Variants in SLC25A31 observed in about 807,000 individuals in gnomAD.
SLC25A31 encodes ADP/ATP translocase 4.
Under a neutral mutation model 36.2 loss-of-function variants are expected in SLC25A31, and 40 were observed. The ratio of observed to expected loss-of-function variants is 1.10; its 90% CI spans 0.86 to 1.44. The LOEUF (loss-of-function observed/expected upper bound fraction) is 1.44. Ranked by LOEUF, SLC25A31 falls within the 40% of genes most tolerant of loss-of-function variation. SLC25A31 has a pLI of 0.00. For missense variants in SLC25A31, 350 were observed against 397.1 expected (o/e 0.88, Z 1.01); for synonymous variants, 143 against 149.7 (o/e 0.96, Z 0.32).
chr4:127,750,392 C>T (rs1731907210), intron 2 of SLC25A31, among the ~76,000 whole-genome samples: 1 of 152,090 alleles, frequency 6.6e-6, no homozygotes, highest in African/African-American at 2.4e-5. Context: ...CATTGGAAGT[C>T]CAAATACTCC....
intron 1 of SLC25A31, among the ~76,000 whole-genome samples, chr4:127,734,502 G>A (rs138481235): frequency 7.2e-6 from 1 of 138,666 alleles, no homozygotes; most frequent in Non-Finnish European, 1.5e-5. Context: ...ACAGGCTTCA[G>A]TGAGCCAAGA....
chr4:127,765,565 G>A (rs928420172), intron 3 of SLC25A31, among the ~76,000 whole-genome samples: 1 of 152,134 alleles, frequency 6.6e-6, no homozygotes, highest in African/African-American at 2.4e-5. Flanking sequence ...TACAGGGCGT[G>A]TGTGAGTGTG....
intron 1 of SLC25A31, among the ~76,000 whole-genome samples, chr4:127,734,795 TTAAG>T (rs1437229932): frequency 1.3e-5 from 2 of 152,024 alleles, no homozygotes; most frequent in African/African-American, 4.8e-5. Context: ...TATATGTACT[TTAAG>T]TAAAATACAA....
At chr4:127,754,044 AC>A (rs1731985218) in intron 2 of SLC25A31, among the ~76,000 whole-genome samples, 1 of 152,176 alleles carries the variant, frequency 6.6e-6, no homozygotes. Flanking sequence ...AACTGTATTA[AC>A]AAAAACCATA....
At chr4:127,767,619 A>G (rs1400995705) in intron 4 of SLC25A31, among the ~76,000 whole-genome samples, 1 of 152,198 alleles carries the variant, frequency 6.6e-6, no homozygotes, top group Non-Finnish European at 1.5e-5. Flanking sequence ...AGAAGGAGAC[A>G]AAGCAAAATT....
chr4:127,738,146 G>A (rs1386760592), intron 1 of SLC25A31, among the ~76,000 whole-genome samples: 1 of 152,124 alleles, frequency 6.6e-6, no homozygotes, highest in African/African-American at 2.4e-5. Flanking sequence ...ACAGCTCACT[G>A]CAGCCTTGGC....
intron 1 of SLC25A31, among the ~76,000 whole-genome samples, chr4:127,731,851 A>C (rs886985922): frequency 6.6e-6 from 1 of 152,186 alleles, no homozygotes; most frequent in Non-Finnish European, 1.5e-5. Flanking sequence ...TTTAAAAATC[A>C]AGTCATGCAA....
Position 127,773,501 on chromosome 4 carries a change from CA to C in SLC25A31, c.876del (p.Gly294ValfsTer34). The part of the protein sequence containing the change: ...RGAFSNVLRG[T>X]GGALVLVLYD... The stretch of plus-strand genomic sequence containing the variant: ...GCCTTCTCCAATGTTCTTCGCGGTA[CA>C]GGGGGTGCTTTGGTGTTGGTATTAT... On this transcript the variant is annotated frameshift_variant, in exon 6 of 6. Transcript: ENST00000281154. LOFTEE classifies it high-confidence loss of function. The C allele has an allele frequency of 6.2e-7, 1 of 1,613,652 alleles. No homozygotes were observed. The highest frequency in any genetic ancestry group is 8.5e-7 in the Non-Finnish European group (1 of 1,179,866).
intron 1 of SLC25A31, among the ~76,000 whole-genome samples, chr4:127,742,263 C>T (rs954260000): frequency 2.6e-5 from 4 of 152,144 alleles, no homozygotes; most frequent in African/African-American, 7.2e-5. Context: ...TTGAGAAACT[C>T]GTATTTGTCA....
At chr4:127,753,281 AAAG>A (rs1731970398) in intron 2 of SLC25A31, among the ~76,000 whole-genome samples, 1 of 152,090 alleles carries the variant, frequency 6.6e-6, no homozygotes, top group South Asian at 2.1e-4. Flanking sequence ...AGAACTAGAA[AAAG>A]AAGGATAAAC....
chr4:127,770,552 G>A (rs887101667), intron 5 of SLC25A31, among the ~76,000 whole-genome samples: 14 of 151,912 alleles, frequency 9.2e-5, no homozygotes, highest in Admixed American at 2.6e-4. Flanking sequence ...CATGAACCAC[G>A]AGGCAGAGCT....
intron 2 of SLC25A31, among the ~76,000 whole-genome samples, chr4:127,755,549 A>G (rs1732013692): frequency 6.6e-6 from 1 of 152,222 alleles, no homozygotes; most frequent in Non-Finnish European, 1.5e-5. Context: ...AATGCTGAAC[A>G]TTACTAGCCA....
At chr4:127,740,425 G>T (rs553849503) in intron 1 of SLC25A31, among the ~76,000 whole-genome samples, 2 of 152,230 alleles carry the variant, frequency 1.3e-5, no homozygotes, top group East Asian at 1.9e-4. Flanking sequence ...ATGTCAGCAG[G>T]TTTTATATTG....
chr4:127,768,736 C>T lies in SLC25A31; in HGVS notation c.634-16C>T. On this transcript the variant is annotated splice_polypyrimidine_tract_variant and intron_variant, in intron 4 of 5. Transcript: ENST00000281154. ...TAGAAATTTGGATAGTTACTTGGCACATTTTTCTTTTCTAGGGTTTATTAC... is the reference window on the plus strand; with the variant it reads ...TAGAAATTTGGATAGTTACTTGGCATATTTTTCTTTTCTAGGGTTTATTAC... 6.4e-7 allele frequency: 1 copy of T among 1,566,008 alleles called. No homozygotes were observed. The highest frequency in any genetic ancestry group is 2.3e-5 in the East Asian group (1 of 43,852).
chr4:127,772,209 TTTTC>T (rs1227002036), intron 5 of SLC25A31, among the ~76,000 whole-genome samples: 1 of 152,236 alleles, frequency 6.6e-6, no homozygotes, highest in Non-Finnish European at 1.5e-5. Context: ...GGACATGTGG[TTTTC>T]TTTATGAGAA....
At chr4:127,752,411 G>A (rs1384940151) in intron 2 of SLC25A31, among the ~76,000 whole-genome samples, 1 of 151,814 alleles carries the variant, frequency 6.6e-6, no homozygotes, top group Non-Finnish European at 1.5e-5. Context: ...ACACACCGGG[G>A]CCTGTTGTGG....
At chr4:127,746,491 A>T (rs1578659983) in intron 2 of SLC25A31, among the ~76,000 whole-genome samples, 1 of 152,008 alleles carries the variant, frequency 6.6e-6, no homozygotes, top group Non-Finnish European at 1.5e-5. Flanking sequence ...TGACCATGAG[A>T]CAGTATCACA....
At chr4:127,745,673 A>C (rs897269995) in intron 2 of SLC25A31, among the ~76,000 whole-genome samples, 2 of 151,920 alleles carry the variant, frequency 1.3e-5, no homozygotes, top group Non-Finnish European at 2.9e-5. Context: ...TTGTTCATTG[A>C]ATGTTTTGCC....
rs1438219002 is a variant in SLC25A31, at chr4:127,744,701, G to A, written c.262G>A (p.Ala88Thr). 6.9e-6 allele frequency: 11 copies of A among 1,601,204 alleles called. No homozygotes were observed. The highest frequency in any genetic ancestry group is 1.1e-5 in the South Asian group (1 of 88,104). Residue 88 changes from alanine (A) to threonine (T), a missense_variant, in exon 2 of 6, where the codon GCA (alanine) becomes ACA (threonine). Transcript: ENST00000281154. ...CTTCAGTTTTTGGCGTGGCAATTTG[G>A]CAAATGTTATTCGGTATTTTCCAAC... ...GFFSFWRGNL[A>T]NVIRYFPTQA...
Sources: allele counts gnomAD v4.1 joint callset (sites outside exome capture counted in the v4.1 genomes callset), GRCh38; gene constraint gnomAD v4.1.1; transcripts MANE v1.5; gene names NCBI Gene and HGNC (gene_info 2026-07-23, HGNC 2026-07-21).